ITGA2: variants seen among roughly 807,000 people sequenced by gnomAD.
The protein encoded by ITGA2 is integrin alpha-2.
In ITGA2, 101 loss-of-function variants were observed where a neutral mutation model predicts 146.3. The observed-to-expected ratio is 0.69, with a 90% CI of 0.59 to 0.81. ITGA2 has a LOEUF of 0.81. Ranked by LOEUF, ITGA2 falls within the 40% of genes least tolerant of loss-of-function variation. The pLI is 0.00. For synonymous variants in ITGA2, 477 were observed against 487.1 expected (o/e 0.98, Z 0.27); for missense variants, 1,281 against 1,402.7 (o/e 0.91, Z 1.39).
chr5:53,081,510 C>A, intron 25 of ITGA2, 82 bp from the exon 26 acceptor site: 1 of 1,056,594 alleles, frequency 9.5e-7, no homozygotes, highest in Non-Finnish European at 1.4e-6. Context: ...CTACAAGTGA[C>A]AGTAGGATTT....
intron 1 of ITGA2, among the ~76,000 whole-genome samples, chr5:53,022,844 C>T (rs1371330612): frequency 6.6e-6 from 1 of 152,188 alleles, no homozygotes; most frequent in African/African-American, 2.4e-5. Context: ...AAGAAATCTA[C>T]ATGAGTTAAC....
At chr5:53,071,183 CA>C (rs1386142312) in intron 17 of ITGA2, among the ~76,000 whole-genome samples, 1 of 151,772 alleles carries the variant, frequency 6.6e-6, no homozygotes, top group Non-Finnish European at 1.5e-5. Flanking sequence ...GTTCATTTTT[CA>C]ATTTGAAGGT....
intron 2 of ITGA2, among the ~76,000 whole-genome samples, chr5:53,032,694 T>C (rs2111842205): frequency 6.6e-6 from 1 of 152,344 alleles, no homozygotes; most frequent in Middle Eastern, 3.4e-3. Flanking sequence ...GAATCTTGAA[T>C]GAAAAATTCT....
In ITGA2 at chr5:53,026,816, A is replaced by G. The variant is rs781322273; in HGVS notation, c.133A>G (p.Ser45Gly). Residue 45 changes from serine to glycine, a missense_variant, in exon 2 of 30, where the codon AGT becomes GGT. Ser to Gly is a moderately conservative substitution (Grantham distance 56). Around this residue, in one of 3 missense-constraint regions of ITGA2, gnomAD observed 795 missense variants for 841.7 expected, o/e 0.94. Coordinates refer to ENST00000296585, the MANE Select transcript of ITGA2 (RefSeq NM_002203.4). ...PEAKIFSGPSSEQFGYAVQQF... is the reference protein window; with the variant it reads ...PEAKIFSGPSGEQFGYAVQQF... The stretch of plus-strand genomic sequence containing the variant: ...AGCAAAAATATTTTCCGGTCCTTCA[A>G]GTGAACAGTTTGGCTATGCAGTGCA... 1.9e-6 allele frequency: 3 copies of G among 1,613,510 alleles called. No homozygotes were observed. The highest frequency in any genetic ancestry group is 1.1e-5 in the South Asian group (1 of 91,078).
At chr5:53,041,985 T>C in intron 2 of ITGA2, 127 bp from the exon 3 acceptor site, 1 of 708,558 alleles carries the variant, frequency 1.4e-6, no homozygotes, top group East Asian at 2.8e-5. Flanking sequence ...GCAGGTCAAA[T>C]CATAGCTGAA....
At position 53,094,414 on chromosome 5, in the gene ITGA2, AT is replaced by A. The variant is rs1305833945; in HGVS notation, c.*3816del. The A allele has an allele frequency of 6.6e-6, 1 of 152,226 alleles. No individual in the cohort carries two copies. The highest frequency in any genetic ancestry group is 2.4e-5 in the African/African-American group (1 of 41,470). The allele number at this position is 152,226 out of a possible 1,614,324, so 9.4% of individuals were successfully genotyped here. On this transcript the variant is annotated 3_prime_UTR_variant, in exon 30 of 30. Coordinates refer to ENST00000296585, the MANE Select transcript of ITGA2 (RefSeq NM_002203.4). ...GCAGATTAAGTCAAAATATGAATGT[AT>A]ATATTGCATAACTATGTTAGAATTG...
chr5:53,037,307 C>T (rs757456022), intron 2 of ITGA2, among the ~76,000 whole-genome samples: 93 of 152,204 alleles, frequency 6.1e-4, no homozygotes, highest in Non-Finnish European at 1.3e-4. Flanking sequence ...AAGTTTATAT[C>T]TTGGGATTTT....
chr5:53,013,800 C>G (rs1292365926), intron 1 of ITGA2, among the ~76,000 whole-genome samples: 1 of 151,996 alleles, frequency 6.6e-6, no homozygotes, highest in African/African-American at 2.4e-5. Flanking sequence ...TTTTATCAGT[C>G]TCTGTAGAGA....
chr5:53,024,223 G>A (rs1279257924), intron 1 of ITGA2, among the ~76,000 whole-genome samples: 1 of 152,164 alleles, frequency 6.6e-6, no homozygotes, highest in East Asian at 1.9e-4. Context: ...GCACTCAAAT[G>A]AGTCAGGATG....
rs1187477037 is a variant in ITGA2 at position 53,063,606 on chromosome 5, T to G, written c.1602+677T>G. Among the ~76,000 whole-genome samples the G allele has an allele frequency of 4.6e-5, 7 of 151,990 alleles. No homozygotes were observed. The East Asian group carries it at 1.4e-3, about 30-fold the overall frequency. On this transcript the variant is annotated intron_variant, in intron 13 of 29. Coordinates refer to ENST00000296585, the MANE Select transcript of ITGA2 (RefSeq NM_002203.4). ...AAAGGCACAGATTGACATAGAAAAT[T>G]ATATGCTCCTTAGTATATAAGAAAA...
intron 1 of ITGA2, among the ~76,000 whole-genome samples, chr5:52,999,287 G>GA (rs1044984265): frequency 6.6e-6 from 1 of 151,190 alleles, no homozygotes; most frequent in Non-Finnish European, 1.5e-5. Flanking sequence ...TATTAAAAAA[G>GA]AAAAAAAATC....
chr5:53,022,007 C>T (rs1441935337), intron 1 of ITGA2, among the ~76,000 whole-genome samples: 1 of 152,144 alleles, frequency 6.6e-6, no homozygotes, highest in Non-Finnish European at 1.5e-5. Context: ...CTCAAATTTG[C>T]ATTGACCACA....
intron 10 of ITGA2, 131 bp from the exon 11 acceptor site, chr5:53,059,743 C>A: frequency 1.1e-6 from 1 of 875,698 alleles, no homozygotes; most frequent in Non-Finnish European, 1.8e-6. Context: ...TACAATATGT[C>A]AATATATGTT....
intron 1 of ITGA2, among the ~76,000 whole-genome samples, chr5:53,023,004 G>T (rs976669209): frequency 1.3e-5 from 2 of 152,176 alleles, no homozygotes; most frequent in African/African-American, 4.8e-5. Flanking sequence ...GTAAGCTTTC[G>T]TGAGATTTAC....
intron 7 of ITGA2, among the ~76,000 whole-genome samples, chr5:53,051,835 A>C (rs1744383902): frequency 6.6e-6 from 1 of 152,196 alleles, no homozygotes; most frequent in Non-Finnish European, 1.5e-5. Context: ...AGAAGACCTT[A>C]GATTAAAACA....
intron 4 of ITGA2, among the ~76,000 whole-genome samples, chr5:53,046,508 T>G (rs535123998): frequency 1.1e-4 from 16 of 152,100 alleles, no homozygotes; most frequent in Middle Eastern, 3.4e-3. Context: ...TGCTTTAATC[T>G]TTTTGTTTTT....
Position 53,090,578 on chromosome 5 carries a change from G to T in ITGA2, c.3525G>T (p.Glu1175Asp). The change falls in exon 30 of 30, where the codon GAG becomes GAT. Residue 1175 changes from glutamate to aspartate, a missense_variant. Glu to Asp is a conservative substitution (Grantham distance 45, BLOSUM62 2). Coordinates refer to ENST00000296585, the MANE Select transcript of ITGA2 (RefSeq NM_002203.4). ...CCAAAAATCCAGATGAGATTGATGAGACCACAGAGCTCAGTAGCTGAACCA... is the reference window on the plus strand; with the variant it reads ...CCAAAAATCCAGATGAGATTGATGATACCACAGAGCTCAGTAGCTGAACCA... ...KMTKNPDEID[E>D]TTELSS 1 of 1,614,034 alleles carries T rather than the reference G, an allele frequency of 6.2e-7. No individual in the cohort carries two copies. The highest frequency in any genetic ancestry group is 1.1e-5 in the South Asian group (1 of 91,074).
chr5:52,994,254 A>C (rs1183351360), intron 1 of ITGA2, among the ~76,000 whole-genome samples: 1 of 152,232 alleles, frequency 6.6e-6, no homozygotes, highest in Non-Finnish European at 1.5e-5. Context: ...ATTTGGAAAA[A>C]AATCCAAACA....
At chr5:53,032,070 C>T (rs1257628562) in intron 2 of ITGA2, among the ~76,000 whole-genome samples, 2 of 152,040 alleles carry the variant, frequency 1.3e-5, no homozygotes, top group Non-Finnish European at 2.9e-5. Flanking sequence ...AGGGTATTTC[C>T]AGTTGTAGAA....
Sources: allele counts gnomAD v4.1 joint callset (sites outside exome capture counted in the v4.1 genomes callset), GRCh38; gene constraint gnomAD v4.1.1; regional missense constraint gnomAD v4.1.1; transcripts MANE v1.5; gene names NCBI Gene and HGNC (gene_info 2026-07-23, HGNC 2026-07-21).